The following PACS1 variants were observed in gnomAD, a reference collection of about 807,000 sequenced individuals.
The protein encoded by PACS1 is phosphofurin acidic cluster sorting protein 1.
Under a neutral mutation model 115.0 loss-of-function variants are expected in PACS1, and 24 were observed. The ratio of observed to expected loss-of-function variants is 0.21; its 90% CI spans 0.15 to 0.29. PACS1 has a LOEUF of 0.29. PACS1 is among the 10% of genes least tolerant of loss of function. The pLI is 1.00. For missense variants in PACS1, 838 were observed against 1,251.2 expected, an observed-to-expected ratio of 0.67 and a Z score of 4.98; for synonymous variants, 453 against 504.5, an observed-to-expected ratio of 0.90 and a Z score of 1.37.
intron 1 of PACS1, among the ~76,000 whole-genome samples, chr11:66,171,419 GC>G (rs1307692302): frequency 6.7e-6 from 1 of 149,796 alleles, no homozygotes; most frequent in Non-Finnish European, 1.5e-5. Flanking sequence ...ACTTACTGTG[GC>G]TATTGATATC....
At chr11:66,197,884 T>C (rs564744077) in intron 2 of PACS1, among the ~76,000 whole-genome samples, 16 of 152,360 alleles carry the variant, frequency 1.1e-4, no homozygotes, top group Middle Eastern at 3.4e-3. Context: ...TATATCACTT[T>C]GCGTCTGGAT....
At chr11:66,175,012 G>A (rs1207196733) in intron 1 of PACS1, among the ~76,000 whole-genome samples, 7 of 152,056 alleles carry the variant, frequency 4.6e-5, no homozygotes, top group African/African-American at 9.7e-5. Context: ...TGAGCTGGGC[G>A]TGGTCGCAGA....
Position 66,070,899 on chromosome 11 carries a change from A to G in PACS1, c.356+57A>G. 1 of 1,370,436 alleles carries G rather than the reference A, an allele frequency of 7.3e-7. No homozygotes were observed. Among genetic ancestry groups the G allele is most frequent in the Non-Finnish European group, 9.4e-7 (1 of 1,069,118 alleles). The allele number at this position is 1,370,436 out of a possible 1,614,324, so 84.9% of individuals were successfully genotyped here. A position where few individuals can be genotyped will look rare whatever the true frequency, so the allele number is the denominator to read the frequency against. On this transcript the variant is annotated intron_variant, in intron 1 of 23. Coordinates refer to ENST00000320580, the MANE Select transcript of PACS1 (RefSeq NM_018026.4). This position sits in a 1 kb window ranked among gnomAD's most constrained non-coding sequence, Gnocchi z 5.9. ...GGGAGCGGGGTGGCCGCCGGGGCCCAGCCCTCCCCGCCCCAGCGCCCATGG... is the reference window on the plus strand; with the variant it reads ...GGGAGCGGGGTGGCCGCCGGGGCCCGGCCCTCCCCGCCCCAGCGCCCATGG...
At chr11:66,164,955 C>T (rs898200896) in intron 1 of PACS1, among the ~76,000 whole-genome samples, 6 of 152,040 alleles carry the variant, frequency 3.9e-5, no homozygotes, top group Non-Finnish European at 7.4e-5. Context: ...GAGTTGGTGG[C>T]CTTACTGCTG....
At chr11:66,127,580 C>G (rs1565116912) in intron 1 of PACS1, among the ~76,000 whole-genome samples, 2 of 152,168 alleles carry the variant, frequency 1.3e-5, no homozygotes, top group African/African-American at 4.8e-5. Context: ...ACAAGTGCAT[C>G]AGGGTACGTT....
At chr11:66,170,132 CTT>C (rs1859701497) in intron 1 of PACS1, among the ~76,000 whole-genome samples, 1 of 150,466 alleles carries the variant, frequency 6.6e-6, no homozygotes, top group Admixed American at 6.6e-5. Context: ...ATAGTGTAGT[CTT>C]ATGAATCTTC....
intron 1 of PACS1, among the ~76,000 whole-genome samples, chr11:66,181,260 G>A (rs548897318): frequency 2.1e-3 from 319 of 150,812 alleles, no homozygotes; most frequent in Non-Finnish European, 3.9e-3. Context: ...CTCCCAGGCT[G>A]GAGTGCAGTG....
At chr11:66,193,607 G>T in intron 2 of PACS1, 34 bp downstream of exon 2, 1 of 1,509,486 alleles carries the variant, frequency 6.6e-7, no homozygotes, top group Non-Finnish European at 9.2e-7. Flanking sequence ...TCAGGGCCCA[G>T]GGAAGCTGGA....
intron 1 of PACS1, among the ~76,000 whole-genome samples, chr11:66,167,652 T>G (rs901917360): frequency 4.0e-5 from 6 of 150,380 alleles, no homozygotes; most frequent in Non-Finnish European, 7.3e-5. Context: ...TATTCTAAAA[T>G]TTTGCCTTTC....
chr11:66,228,292 C>A (rs2134730729), intron 11 of PACS1, among the ~76,000 whole-genome samples: 1 of 152,156 alleles, frequency 6.6e-6, no homozygotes, highest in Admixed American at 6.5e-5. Flanking sequence ...TACAGAATGC[C>A]ATCTAGGGAT....
At chr11:66,199,112 G>A (rs1456342515) in intron 2 of PACS1, among the ~76,000 whole-genome samples, 3 of 152,058 alleles carry the variant, frequency 2.0e-5, no homozygotes, top group Admixed American at 1.3e-4. Context: ...TCAGGAGATC[G>A]AGACCATCCT....
At chr11:66,097,734 G>T (rs1310586104) in intron 1 of PACS1, among the ~76,000 whole-genome samples, 2 of 152,196 alleles carry the variant, frequency 1.3e-5, no homozygotes, top group East Asian at 3.8e-4. Flanking sequence ...GACATTTAGT[G>T]CCTGTCTTTT....
chr11:66,175,170 A>G (rs201363206), intron 1 of PACS1, among the ~76,000 whole-genome samples: 2 of 135,522 alleles, frequency 1.5e-5, no homozygotes, highest in Non-Finnish European at 3.1e-5. Context: ...TGAAAAAAAA[A>G]GAAAAAAAAA....
intron 1 of PACS1, among the ~76,000 whole-genome samples, chr11:66,127,419 G>A (rs1442397318): frequency 1.3e-5 from 2 of 152,148 alleles, no homozygotes; most frequent in Non-Finnish European, 2.9e-5. Context: ...CAGTGGGCCC[G>A]ACTGCATCAA....
At chr11:66,218,884 C>T (rs1233492982) in intron 7 of PACS1, among the ~76,000 whole-genome samples, 6 of 149,768 alleles carry the variant, frequency 4.0e-5, no homozygotes, top group African/African-American at 1.2e-4. Flanking sequence ...AGGCCCAGTA[C>T]AACAGCATGC....
At chr11:66,174,916 C>G (rs1278633007) in intron 1 of PACS1, among the ~76,000 whole-genome samples, 1 of 152,168 alleles carries the variant, frequency 6.6e-6, no homozygotes, top group Non-Finnish European at 1.5e-5. Context: ...TTTGGGAGGC[C>G]TAGGCGGGTG....
In PACS1 at chr11:66,070,551, G is replaced by A. The variant is rs1857288713; in HGVS notation, c.65G>A (p.Gly22Glu). The stretch of plus-strand genomic sequence containing the variant: ...GCCGGGGGCGGCAGCGGCCAGCGGG[G>A]ATCCGGGGTCGCCCAGTCCCCTCAG... Reference protein sequence around the residue: ...GGAGGGSGQRGSGVAQSPQQP... With the variant: ...GGAGGGSGQRESGVAQSPQQP... The change falls in exon 1 of 24, where the codon GGA becomes GAA. Residue 22 changes from glycine to glutamate, a missense_variant. Transcript: ENST00000320580. This position sits in a 1 kb window ranked among gnomAD's most constrained non-coding sequence, Gnocchi z 5.9. The A allele has an allele frequency of 2.8e-6, 4 of 1,413,810 alleles. No individual in the cohort carries two copies. Among genetic ancestry groups the A allele is most frequent in the Admixed American group, 6.3e-5 (2 of 31,796 alleles). The allele number at this position is 1,413,810 out of a possible 1,614,324, so 87.6% of individuals were successfully genotyped here.
At chr11:66,219,669 C>T (rs1367164623) in intron 7 of PACS1, 77 bp from the exon 8 acceptor site, 2 of 1,047,768 alleles carry the variant, frequency 1.9e-6, no homozygotes, top group African/African-American at 3.1e-5. Flanking sequence ...TGAAAGTGGG[C>T]TCTGGTGGGT....
At chr11:66,157,541 C>G (rs924683014) in intron 1 of PACS1, among the ~76,000 whole-genome samples, 1 of 152,006 alleles carries the variant, frequency 6.6e-6, no homozygotes, top group Non-Finnish European at 1.5e-5. Context: ...ACCCCAGATC[C>G]CCATCCCCAA....
Sources: allele counts gnomAD v4.1 joint callset (sites outside exome capture counted in the v4.1 genomes callset), GRCh38; gene constraint gnomAD v4.1.1; non-coding constraint Gnocchi (gnomAD v3.1); transcripts MANE v1.5; gene names NCBI Gene and HGNC (gene_info 2026-07-23, HGNC 2026-07-21).